The following CDKL4 variants were observed in gnomAD, a reference collection of about 807,000 sequenced individuals.
CDKL4 encodes the protein cyclin-dependent kinase-like 4.
In CDKL4, 44 loss-of-function variants were observed where a neutral mutation model predicts 42.0. The observed-to-expected ratio is 1.05, with a 90% CI of 0.82 to 1.35. The LOEUF (loss-of-function observed/expected upper bound fraction) is 1.35, where lower values mean the gene tolerates loss of function less well. Ranked by LOEUF, CDKL4 falls within the 40% of genes most tolerant of loss-of-function variation. CDKL4 has a pLI of 0.00. For missense variants in CDKL4, 393 were observed against 369.9 expected (o/e 1.06, Z -0.51); for synonymous variants, 120 against 121.6 (o/e 0.99, Z 0.09).
intron 5 of CDKL4, among the ~76,000 whole-genome samples, chr2:39,195,820 C>A (rs116708498): frequency 0.018 from 2,684 of 151,878 alleles, 31 homozygotes; most frequent in South Asian, 0.027. Context: ...TATATATCTT[C>A]TTTAAAGAAA....
At chr2:39,218,765 ACT>A (rs1319558681) in intron 3 of CDKL4, among the ~76,000 whole-genome samples, 1 of 151,762 alleles carries the variant, frequency 6.6e-6, no homozygotes, top group Non-Finnish European at 1.5e-5. Context: ...GGACTTTGAA[ACT>A]CTCTGTCCTC....
intron 5 of CDKL4, among the ~76,000 whole-genome samples, chr2:39,200,883 A>G (rs1676801490): frequency 6.6e-6 from 1 of 152,214 alleles, no homozygotes; most frequent in African/African-American, 2.4e-5. Flanking sequence ...AACCATAAAA[A>G]TTCTAGAAGA....
At chr2:39,190,333 G>A in exon 6 of CDKL4, 2 of 1,614,054 alleles carry the variant, frequency 1.2e-6, no homozygotes, top group Non-Finnish European at 1.7e-6. Context: ...GATAAAGTTG[G>A]TCCACATCTG....
chr2:39,198,806 C>G (rs566178590), intron 5 of CDKL4, among the ~76,000 whole-genome samples: 4 of 152,040 alleles, frequency 2.6e-5, no homozygotes, highest in East Asian at 1.9e-4. Flanking sequence ...GTGACACAAC[C>G]TATCAAAACC....
At chr2:39,246,619 T>C (rs1679924827), upstream of CDKL4, among the ~76,000 whole-genome samples, 2 of 152,374 alleles carry the variant, frequency 1.3e-5, no homozygotes, top group East Asian at 1.9e-4. Context: ...AGTATTTGCA[T>C]ATGCCTTGGT....
chr2:39,229,749 C>T (rs1411862301), intron 1 of CDKL4, among the ~76,000 whole-genome samples, 161 bp from the exon 2 acceptor site: 3 of 152,146 alleles, frequency 2.0e-5, no homozygotes, highest in African/African-American at 7.2e-5. Flanking sequence ...TTAGTTTAGT[C>T]CTCTGCAGCT....
chr2:39,235,795 A>G (rs1214562296), intron 1 of CDKL4, among the ~76,000 whole-genome samples: 2 of 152,142 alleles, frequency 1.3e-5, no homozygotes, highest in Non-Finnish European at 2.9e-5. Flanking sequence ...AACACCCCAC[A>G]ATTGCTATAA....
chr2:39,186,159 C>A (rs926708763), intron 7 of CDKL4, among the ~76,000 whole-genome samples: 2 of 152,138 alleles, frequency 1.3e-5, no homozygotes, highest in East Asian at 1.9e-4. Flanking sequence ...TCCTTTGTAA[C>A]CTTTAACCTT....
downstream of CDKL4, among the ~76,000 whole-genome samples, chr2:39,172,187 C>G (rs542047450): frequency 6.6e-6 from 1 of 152,110 alleles, no homozygotes; most frequent in South Asian, 2.1e-4. Flanking sequence ...TGGCACACAC[C>G]TGTAATCCCA....
At chr2:39,184,389 T>C (rs758282571) in intron 8 of CDKL4, among the ~76,000 whole-genome samples, 6 of 152,232 alleles carry the variant, frequency 3.9e-5, no homozygotes, top group Non-Finnish European at 8.8e-5. Flanking sequence ...CCTCATCTAC[T>C]AATGTTAATA....
At chr2:39,226,068 T>C (rs957078003) in intron 2 of CDKL4, 108 bp from the exon 3 acceptor site, 11 of 1,134,650 alleles carry the variant, frequency 9.7e-6, no homozygotes, top group Non-Finnish European at 1.3e-5. Flanking sequence ...ATTCATCCAA[T>C]GTACCTATAA....
Position 39,213,404 on chromosome 2 carries a change from T to C in CDKL4, c.359A>G (p.His120Arg), listed in dbSNP as rs369492135. The change falls in exon 4 of 10, where the codon CAT (histidine) becomes CGT (arginine). Residue 120 changes from histidine to arginine, a missense_variant. Coordinates refer to ENST00000451199, the Ensembl canonical transcript of CDKL4. Reference sequence around the variant, plus strand: ...ACATTAGAAAATGTTACTTACGTTATGTATATGACAGAAATTAAGAGCTTG... The same window carrying C: ...ACATTAGAAAATGTTACTTACGTTACGTATATGACAGAAATTAAGAGCTTG... 7.6e-6 allele frequency: 12 copies of C among 1,574,650 alleles called. No homozygotes were observed. Among genetic ancestry groups the C allele is most frequent in the Non-Finnish European group, 9.6e-6 (11 of 1,145,860 alleles).
intron 5 of CDKL4, among the ~76,000 whole-genome samples, chr2:39,197,162 A>ATG (rs1335587759): frequency 6.6e-6 from 1 of 152,244 alleles, no homozygotes; most frequent in Non-Finnish European, 1.5e-5. Context: ...AATCAAGGAC[A>ATG]CACTTAGAGA....
downstream of CDKL4, among the ~76,000 whole-genome samples, chr2:39,173,963 G>C (rs983023405): frequency 6.6e-6 from 1 of 152,020 alleles, no homozygotes; most frequent in African/African-American, 2.4e-5. Context: ...TGGTGACAGA[G>C]TCAGACCCTG....
intron 5 of CDKL4, among the ~76,000 whole-genome samples, chr2:39,198,539 A>G (rs1175298805): frequency 6.6e-6 from 1 of 152,174 alleles, no homozygotes; most frequent in East Asian, 1.9e-4. Flanking sequence ...CAGAATATAC[A>G]TTCTGTTCAT....
chr2:39,233,318 G>A (rs1463063344), intron 1 of CDKL4, among the ~76,000 whole-genome samples: 1 of 152,098 alleles, frequency 6.6e-6, no homozygotes, highest in Non-Finnish European at 1.5e-5. Context: ...CAAGGAAGGG[G>A]TGTAAAAGTA....
intron 2 of CDKL4, among the ~76,000 whole-genome samples, chr2:39,228,331 T>G (rs1678886467): frequency 6.6e-6 from 1 of 152,150 alleles, no homozygotes; most frequent in African/African-American, 2.4e-5. Flanking sequence ...GATGGATGTG[T>G]TCCTGAAGAC....
At chr2:39,170,644 AC>A in the CDKL4 span, among the ~76,000 whole-genome samples, 1 of 151,996 alleles carries the variant, frequency 6.6e-6, no homozygotes, top group Non-Finnish European at 1.5e-5. Flanking sequence ...TTTAGGAGAG[AC>A]GGGGTTTCGC....
chr2:39,244,491 T>C (rs1340595568), upstream of CDKL4, among the ~76,000 whole-genome samples: 1 of 152,238 alleles, frequency 6.6e-6, no homozygotes, highest in Non-Finnish European at 1.5e-5. Context: ...GATTTCTCAC[T>C]GGGCCTTAGC....
Sources: allele counts gnomAD v4.1 joint callset (sites outside exome capture counted in the v4.1 genomes callset), GRCh38; gene constraint gnomAD v4.1.1; transcripts MANE v1.5; gene names NCBI Gene and HGNC (gene_info 2026-07-23, HGNC 2026-07-21).